The following SYCE1 variants were observed in gnomAD, a reference collection of about 807,000 sequenced individuals.
SYCE1 encodes synaptonemal complex central element protein 1.
SYCE1 carries 37 observed loss-of-function variants against 55.1 expected under a neutral mutation model. That is an observed-to-expected ratio of 0.67 (90% CI 0.52 to 0.88). The LOEUF is 0.88. Ranked by LOEUF, SYCE1 falls within the 40% of genes least tolerant of loss-of-function variation. The probability of loss-of-function intolerance (pLI) is 0.00; values close to 1 mark genes in which losing one functional copy is unlikely to be tolerated. For missense variants in SYCE1, 399 were observed against 416.4 expected (o/e 0.96, Z 0.36); for synonymous variants, 163 against 159.4 (o/e 1.02, Z -0.17).
chr10:133,559,515 G>A (rs1273323322), intron 2 of SYCE1, 155 bp from the exon 3 acceptor site: 4 of 683,990 alleles, frequency 5.8e-6, no homozygotes, highest in Non-Finnish European at 1.0e-5. Flanking sequence ...CGTTCTGGGT[G>A]GGCAAGACTG....
intron 6 of SYCE1, chr10:133,557,392 A>C: frequency 1.8e-6 from 1 of 550,208 alleles, no homozygotes; most frequent in Admixed American, 3.3e-5. Context: ...ACATCTTAGT[A>C]TCATCTCGTT....
At chr10:133,559,026 C>T in intron 3 of SYCE1, 75 bp from the exon 4 acceptor site, 10 of 1,463,236 alleles carry the variant, frequency 6.8e-6, no homozygotes, top group Non-Finnish European at 9.3e-6. Flanking sequence ...TTCTCATTTG[C>T]CTTCAGGTAA....
At chr10:133,554,441 G>A (rs2133611126), downstream of SYCE1, 1 of 957,426 alleles carries the variant, frequency 1.0e-6, no homozygotes, top group Middle Eastern at 2.1e-4. Flanking sequence ...CAGTGAATTT[G>A]AAACATGTAT....
In SYCE1 at chr10:133,560,141, G is replaced by A. The variant is rs1589968956; in HGVS notation, c.86C>T (p.Ser29Phe). 6.2e-7 allele frequency: 1 copy of A among 1,614,010 alleles called. No homozygotes were observed. Among genetic ancestry groups the A allele is most frequent in the Non-Finnish European group, 8.5e-7 (1 of 1,179,968 alleles). Residue 29 changes from serine to phenylalanine, a missense_variant, in exon 2 of 13, where the codon TCC becomes TTC. By Grantham distance (155) the Ser-to-Phe change is radical. Transcript: ENST00000343131. ...RAEKAGGQDT[S>F]SQKIEDLMEM... ...CATCAAGTCTTCAATTTTCTGTGAG[G>A]ACGTGTCCTGCCCTGTGGAGACAAA...
chr10:133,557,535 A>T, intron 6 of SYCE1: 1 of 491,804 alleles, frequency 2.0e-6, no homozygotes, highest in East Asian at 3.6e-5. Context: ...TGGAGAGAGA[A>T]TGGACAAATG....
At chr10:133,566,772 G>C (rs1265812955), upstream of SYCE1, among the ~76,000 whole-genome samples, 1 of 151,342 alleles carries the variant, frequency 6.6e-6, no homozygotes, top group African/African-American at 2.4e-5. Flanking sequence ...TACAGTTTAG[G>C]GTAAGGGGTT....
chr10:133,554,652 T>A (rs752407471), downstream of SYCE1: 8 of 725,342 alleles, frequency 1.1e-5, no homozygotes, highest in African/African-American at 1.7e-5. Context: ...ATTTTTTTTT[T>A]AATTTCAGGG....
intron 1 of SYCE1, 142 bp downstream of exon 1, chr10:133,565,314 GA>G: frequency 1.4e-6 from 1 of 732,382 alleles, no homozygotes. Context: ...CATCTTGGCC[GA>G]AATTTTTCTG....
In SYCE1 at chr10:133,555,638, C is replaced by CAGAAG. The variant is rs1851650932; in HGVS notation, c.788_789insCTTCT (p.Gln263HisfsTer18). ...GCTGTTGTTGGCACTTCTGCTGCAG[C>CAGAAG]TGCTGGTGGCGCTGGGCAGCAGCTG... On this transcript the variant is annotated frameshift_variant, in exon 11 of 13. Transcript: ENST00000343131. LOFTEE classifies it high-confidence loss of function. 3.1e-6 allele frequency: 5 copies of CAGAAG among 1,605,670 alleles called. No individual in the cohort carries two copies. The highest frequency in any genetic ancestry group is 4.2e-6 in the Non-Finnish European group (5 of 1,179,932).
At chr10:133,564,172 C>T (rs988507272) in intron 1 of SYCE1, among the ~76,000 whole-genome samples, 7 of 152,028 alleles carry the variant, frequency 4.6e-5, no homozygotes, top group Non-Finnish European at 1.0e-4. Context: ...GAGAGTAGGG[C>T]CCTCAGCAAT....
chr10:133,559,367 G>T lies in SYCE1; in HGVS notation c.137-7C>A, dbSNP rs372679555. ...CGGGGCTCTAGGCTTCCCACTGCAC[G>T]GAGGAAAGGAGGTTGAGTTGACAGG... On this transcript the variant is annotated splice_polypyrimidine_tract_variant and splice_region_variant and intron_variant, in intron 2 of 12. Coordinates refer to ENST00000343131, the MANE Select transcript of SYCE1 (RefSeq NM_001143764.3). 6.2e-7 allele frequency: 1 copy of T among 1,613,962 alleles called. No homozygotes were observed. The highest frequency in any genetic ancestry group is 1.1e-5 in the South Asian group (1 of 91,074).
intron 5 of SYCE1, 52 bp downstream of exon 5, chr10:133,558,115 C>T: frequency 6.2e-7 from 1 of 1,611,584 alleles, no homozygotes. Context: ...GGAGAGTGGG[C>T]TTCTGTGGGT....
chr10:133,563,306 C>A (rs868162563), intron 1 of SYCE1, among the ~76,000 whole-genome samples: 1 of 152,078 alleles, frequency 6.6e-6, no homozygotes, highest in African/African-American at 2.4e-5. Flanking sequence ...CTCGAAGAAG[C>A]CTAAATATGC....
downstream of SYCE1, chr10:133,554,392 T>G: frequency 6.8e-7 from 1 of 1,465,062 alleles, no homozygotes; most frequent in South Asian, 1.1e-5. Context: ...GATGCAGACT[T>G]TGACTCCCAC....
chr10:133,566,631 G>C (rs537342275), upstream of SYCE1, among the ~76,000 whole-genome samples: 1 of 151,376 alleles, frequency 6.6e-6, no homozygotes, highest in Non-Finnish European at 1.5e-5. Context: ...TTAGGGTTTG[G>C]GGGCTAGGGG....
In SYCE1 at chr10:133,557,704, T is replaced by C. The variant is rs878855816; in HGVS notation, c.374+160A>G. On this transcript the variant is annotated intron_variant, in intron 6 of 12. Coordinates refer to ENST00000343131, the MANE Select transcript of SYCE1 (RefSeq NM_001143764.3). ...TTGAGAGAGTTTCCCTTAACACTAC[T>C]GCCAGCTGTTGGAGCCGAAGGGGAA... The C allele has an allele frequency of 1.1e-4, 76 of 719,072 alleles. No homozygotes were observed. In the South Asian group the frequency reaches 1.2e-3, roughly 12 times the overall value. 44.5% of individuals were successfully genotyped at this position (719,072 alleles called of 1,614,324 possible). A position where few individuals can be genotyped will look rare whatever the true frequency, so the allele number is the denominator to read the frequency against.
Position 133,558,158 on chromosome 10 carries a change from G to A in SYCE1, c.319+9C>T, listed in dbSNP as rs368519924. On this transcript the variant is annotated intron_variant, in intron 5 of 12. Transcript: ENST00000343131. ...GGCACAAGCCTGGAGACAGGGGAGC[G>A]GCAAATACCTTGTTTTTTGCTCAAG... 1.0e-4 allele frequency: 161 copies of A among 1,613,998 alleles called. No individual in the cohort carries two copies. The highest frequency in any genetic ancestry group is 3.3e-4 in the Middle Eastern group (2 of 6,082).
chr10:133,554,902 G>C lies in SYCE1; in HGVS notation c.*90C>G. 6.8e-7 allele frequency: 1 copy of C among 1,465,336 alleles called. No individual in the cohort carries two copies. Among genetic ancestry groups the C allele is most frequent in the Non-Finnish European group, 9.0e-7 (1 of 1,107,972 alleles). The allele number at this position is 1,465,336 out of a possible 1,614,324, so 90.8% of individuals were successfully genotyped here. On this transcript the variant is annotated 3_prime_UTR_variant, in exon 13 of 13. Coordinates refer to ENST00000343131, the MANE Select transcript of SYCE1 (RefSeq NM_001143764.3). ...GTGATGTACCTCTGGCCCAGACCAA[G>C]AGGCAGAGTCAAGCCAAGGCTTCAA...
chr10:133,558,270 T>C, intron 4 of SYCE1, 56 bp from the exon 5 acceptor site: 7 of 1,592,414 alleles, frequency 4.4e-6, no homozygotes, highest in Non-Finnish European at 6.0e-6. Flanking sequence ...CCCTCAGGGA[T>C]GGGGCTTGCT....
Sources: allele counts gnomAD v4.1 joint callset (sites outside exome capture counted in the v4.1 genomes callset), GRCh38; gene constraint gnomAD v4.1.1; transcripts MANE v1.5; gene names NCBI Gene and HGNC (gene_info 2026-07-23, HGNC 2026-07-21).